CIMAP3: variants seen among roughly 807,000 people sequenced by gnomAD.
CIMAP3 encodes the protein ciliary microtubule associated protein 3.
At chr1:111,346,927 C>A in the CIMAP3 span, 1 of 1,613,892 alleles carries the variant, frequency 6.2e-7, no homozygotes, top group Admixed American at 1.7e-5. Flanking sequence ...GGATAACTAC[C>A]CTTTTGGAAC....
chr1:111,331,548 T>A, the CIMAP3 span, among the ~76,000 whole-genome samples: 4 of 152,254 alleles, frequency 2.6e-5, no homozygotes, highest in Non-Finnish European at 5.9e-5. Context: ...TGTTTGGTTC[T>A]TTTTTATGAT....
At chr1:111,334,359 C>G in the CIMAP3 span, among the ~76,000 whole-genome samples, 196 of 152,276 alleles carry the variant, frequency 1.3e-3, no homozygotes, top group Non-Finnish European at 2.3e-3. Flanking sequence ...GCTTAGGGCA[C>G]CACCTGGAGC....
At chr1:111,335,104 G>C in the CIMAP3 span, among the ~76,000 whole-genome samples, 1 of 131,746 alleles carries the variant, frequency 7.6e-6, no homozygotes, top group East Asian at 2.3e-4. Flanking sequence ...CTCCAGCCTG[G>C]GTTACAGAGT....
At chr1:111,337,459 C>G in the CIMAP3 span, among the ~76,000 whole-genome samples, 1,463 of 152,158 alleles carry the variant, frequency 9.6e-3, 7 homozygotes, top group Non-Finnish European at 0.016. Context: ...ACCCATCTCA[C>G]ATGCAGAGAC....
At chr1:111,335,114 T>A in the CIMAP3 span, among the ~76,000 whole-genome samples, 4 of 102,498 alleles carry the variant, frequency 3.9e-5, no homozygotes, top group Admixed American at 1.5e-4. Context: ...GGTTACAGAG[T>A]GAGTCTCTGT....
chr1:111,335,281 C>T, the CIMAP3 span, among the ~76,000 whole-genome samples: 57 of 151,994 alleles, frequency 3.8e-4, no homozygotes, highest in Middle Eastern at 3.4e-3. Context: ...ACACAGAAGA[C>T]GGGTGATTTC....
the CIMAP3 span, among the ~76,000 whole-genome samples, chr1:111,329,402 T>C: frequency 6.6e-6 from 1 of 151,800 alleles, no homozygotes; most frequent in Non-Finnish European, 1.5e-5. Context: ...TCTAGCATGG[T>C]TGGGGAAGTT....
the CIMAP3 span, among the ~76,000 whole-genome samples, chr1:111,336,952 G>C: frequency 6.6e-6 from 1 of 151,784 alleles, no homozygotes; most frequent in African/African-American, 2.4e-5. Context: ...AGAGAGAAAG[G>C]TCGGGTTACC....
the CIMAP3 span, chr1:111,346,847 CG>C: frequency 6.3e-7 from 1 of 1,593,456 alleles, no homozygotes; most frequent in South Asian, 1.1e-5. Flanking sequence ...CTTCCCCTCC[CG>C]GAACGCGCTC....
the CIMAP3 span, among the ~76,000 whole-genome samples, chr1:111,338,495 G>C: frequency 6.6e-6 from 1 of 150,898 alleles, no homozygotes; most frequent in Non-Finnish European, 1.5e-5. Context: ...TAATCAAATA[G>C]ACACAATAAA....
the CIMAP3 span, among the ~76,000 whole-genome samples, chr1:111,340,968 CAAT>C: frequency 6.6e-6 from 1 of 151,586 alleles, no homozygotes; most frequent in Non-Finnish European, 1.5e-5. Context: ...AAATGTCCAA[CAAT>C]GATAGACTGG....
the CIMAP3 span, among the ~76,000 whole-genome samples, chr1:111,344,716 T>C: frequency 6.6e-6 from 1 of 152,210 alleles, no homozygotes; most frequent in Non-Finnish European, 1.5e-5. Flanking sequence ...AATGTAAACA[T>C]TATTTTCAAA....
chr1:111,336,919 C>A, the CIMAP3 span, among the ~76,000 whole-genome samples: 117,542 of 151,144 alleles, frequency 0.78, 46,738 homozygotes, highest in African/African-American at 0.92. Context: ...GTTGAAATGA[C>A]GGAAAAAATG....
the CIMAP3 span, chr1:111,350,001 C>CT: frequency 6.3e-6 from 5 of 787,760 alleles, no homozygotes; most frequent in Non-Finnish European, 1.0e-5. Flanking sequence ...AATCTGTTGC[C>CT]TTTTTCCAAG....
chr1:111,346,932 T>C, the CIMAP3 span: 1 of 1,613,994 alleles, frequency 6.2e-7, no homozygotes, highest in South Asian at 1.1e-5. Context: ...ACTACCCTTT[T>C]GGAACATGTC....
the CIMAP3 span, chr1:111,350,177 A>G: frequency 1.2e-6 from 2 of 1,614,100 alleles, no homozygotes; most frequent in East Asian, 2.2e-5. Flanking sequence ...GGATCTCCAG[A>G]CTGGGCTCAG....
At chr1:111,330,901 GGA>G in the CIMAP3 span, among the ~76,000 whole-genome samples, 1 of 152,188 alleles carries the variant, frequency 6.6e-6, no homozygotes, top group African/African-American at 2.4e-5. Flanking sequence ...GGGACCCATG[GGA>G]GATGAGCTGG....
the CIMAP3 span, among the ~76,000 whole-genome samples, chr1:111,326,334 C>A: frequency 6.6e-6 from 1 of 152,098 alleles, no homozygotes; most frequent in African/African-American, 2.4e-5. Flanking sequence ...CTAGTATCTA[C>A]CATTCTACTC....
chr1:111,334,800 A>C, the CIMAP3 span, among the ~76,000 whole-genome samples: 1 of 152,216 alleles, frequency 6.6e-6, no homozygotes, highest in Non-Finnish European at 1.5e-5. Context: ...CAATGAAAGG[A>C]AAGAATCAGT....
Sources: allele counts gnomAD v4.1 joint callset (sites outside exome capture counted in the v4.1 genomes callset), GRCh38; gene constraint gnomAD v4.1.1; transcripts MANE v1.5; gene names NCBI Gene and HGNC (gene_info 2026-07-23, HGNC 2026-07-21).